The following UBE2Q2 variants were observed in gnomAD, a reference collection of about 807,000 sequenced individuals.
The protein encoded by UBE2Q2 is ubiquitin-conjugating enzyme E2 Q2.
Under a neutral mutation model 59.9 loss-of-function variants are expected in UBE2Q2, and 54 were observed. The observed-to-expected ratio is 0.90, with a 90% confidence interval of 0.72 to 1.13. The LOEUF (loss-of-function observed/expected upper bound fraction) is 1.13. UBE2Q2 is among the 50% of genes most tolerant of loss of function. The probability of loss-of-function intolerance (pLI) is 0.00; values close to 1 mark genes in which losing one functional copy is unlikely to be tolerated. For missense variants in UBE2Q2, 433 were observed against 441.9 expected (o/e 0.98, Z 0.18); for synonymous variants, 165 against 155.2 (o/e 1.06, Z -0.47).
At chr15:75,859,059 G>A (rs1431007662) in intron 2 of UBE2Q2, among the ~76,000 whole-genome samples, 1 of 152,146 alleles carries the variant, frequency 6.6e-6, no homozygotes, top group Admixed American at 6.5e-5. Flanking sequence ...TGCCTTATTA[G>A]ATCCCATTTG....
At chr15:75,844,295 C>T in intron 1 of UBE2Q2, 2 of 1,545,642 alleles carry the variant, frequency 1.3e-6, no homozygotes, top group Non-Finnish European at 1.7e-6. Flanking sequence ...GTCGGATTTT[C>T]CTTCTTCCCG....
chr15:75,897,326 C>T (rs1414151481), intron 12 of UBE2Q2, among the ~76,000 whole-genome samples: 2 of 152,068 alleles, frequency 1.3e-5, no homozygotes, highest in Non-Finnish European at 2.9e-5. Flanking sequence ...GCCAGCTCCG[C>T]CTCCCAGGTT....
intron 1 of UBE2Q2, among the ~76,000 whole-genome samples, chr15:75,853,752 C>T (rs2141552448): frequency 6.6e-6 from 1 of 152,248 alleles, no homozygotes; most frequent in African/African-American, 2.4e-5. Flanking sequence ...TTGTTGGTGG[C>T]AGCTGTGATC....
At chr15:75,884,901 C>T (rs2141653039) in intron 9 of UBE2Q2, among the ~76,000 whole-genome samples, 1 of 152,308 alleles carries the variant, frequency 6.6e-6, no homozygotes, top group Non-Finnish European at 1.5e-5. Context: ...TTACCCGCCT[C>T]AGCCTTGCAA....
At chr15:75,869,338 T>C (rs1897664750) in intron 4 of UBE2Q2, among the ~76,000 whole-genome samples, 2 of 152,236 alleles carry the variant, frequency 1.3e-5, no homozygotes, top group South Asian at 2.1e-4. Flanking sequence ...GTTTAAAAAA[T>C]TTTATGTTTG....
chr15:75,849,391 G>A (rs1441081759), intron 1 of UBE2Q2, among the ~76,000 whole-genome samples: 1 of 152,160 alleles, frequency 6.6e-6, no homozygotes, highest in Non-Finnish European at 1.5e-5. Context: ...GAAGATAGCT[G>A]TGTCCTACAT....
intron 1 of UBE2Q2, among the ~76,000 whole-genome samples, 190 bp from the exon 2 acceptor site, chr15:75,854,196 A>G (rs1438563798): frequency 6.6e-6 from 1 of 152,214 alleles, no homozygotes; most frequent in Non-Finnish European, 1.5e-5. Context: ...CTGTAGCAAC[A>G]GACAGTGCTA....
intron 9 of UBE2Q2, among the ~76,000 whole-genome samples, chr15:75,890,184 A>G (rs1469701415): frequency 1.3e-5 from 2 of 152,234 alleles, no homozygotes; most frequent in African/African-American, 4.8e-5. Context: ...GATATCATAC[A>G]AATCTGAAAG....
At chr15:75,894,442 G>C (rs1048947951) in intron 11 of UBE2Q2, among the ~76,000 whole-genome samples, 2 of 152,014 alleles carry the variant, frequency 1.3e-5, no homozygotes, top group African/African-American at 4.8e-5. Context: ...AAATTAGCTG[G>C]GCATCGTGGC....
chr15:75,879,284 C>A, intron 8 of UBE2Q2, 96 bp downstream of exon 8: 1 of 669,478 alleles, frequency 1.5e-6, no homozygotes, highest in Non-Finnish European at 2.5e-6. Flanking sequence ...AGAAGATACT[C>A]ATACCCTATG....
chr15:75,899,165 A>G (rs1341465610), intron 12 of UBE2Q2, among the ~76,000 whole-genome samples: 1 of 150,808 alleles, frequency 6.6e-6, no homozygotes, highest in East Asian at 1.9e-4. Context: ...AATCCCAGCT[A>G]CTTGGGAGGC....
chr15:75,848,194 C>T (rs1449074994), intron 1 of UBE2Q2, among the ~76,000 whole-genome samples: 1 of 152,106 alleles, frequency 6.6e-6, no homozygotes, highest in Non-Finnish European at 1.5e-5. Flanking sequence ...AATATAAAAG[C>T]GATGGTGTCA....
intron 4 of UBE2Q2, among the ~76,000 whole-genome samples, chr15:75,872,390 A>G (rs1175056228): frequency 6.6e-6 from 1 of 152,068 alleles, no homozygotes; most frequent in Non-Finnish European, 1.5e-5. Flanking sequence ...AAGTAGAGAA[A>G]TAAGGTAATT....
intron 5 of UBE2Q2, among the ~76,000 whole-genome samples, chr15:75,874,524 T>A (rs1359995122): frequency 6.6e-6 from 1 of 152,144 alleles, no homozygotes; most frequent in Non-Finnish European, 1.5e-5. Flanking sequence ...CTTCAAGTGA[T>A]CCACCTGCCT....
intron 5 of UBE2Q2, 140 bp from the exon 6 acceptor site, chr15:75,876,047 A>G: frequency 4.2e-6 from 3 of 711,598 alleles, no homozygotes; most frequent in East Asian, 5.4e-5. Flanking sequence ...CCTGGGTAAC[A>G]GGGCTAGACT....
chr15:75,864,515 A>G (rs1355566733), intron 3 of UBE2Q2, among the ~76,000 whole-genome samples: 2 of 151,932 alleles, frequency 1.3e-5, no homozygotes, highest in African/African-American at 4.8e-5. Context: ...TAAAACTCCA[A>G]TCTGGAGGAT....
intron 2 of UBE2Q2, among the ~76,000 whole-genome samples, chr15:75,855,084 G>C (rs1414639906): frequency 6.6e-6 from 1 of 152,052 alleles, no homozygotes; most frequent in African/African-American, 2.4e-5. Flanking sequence ...CTGTTGACAT[G>C]ATGGTTATTT....
Position 75,891,181 on chromosome 15 carries a change from A to G in UBE2Q2, c.1029+167A>G, listed in dbSNP as rs1261218456. ...TATAGAAAATATGGAATTATAAGAA[A>G]ATTAAAGATACTAATTGATAATCAC... On this transcript the variant is annotated intron_variant, in intron 11 of 12. Transcript: ENST00000267938. Among the ~76,000 whole-genome samples, 6 of 152,314 alleles carry G rather than the reference A, an allele frequency of 3.9e-5. No individual in the cohort carries two copies. The East Asian group carries it at 7.7e-4, about 20-fold the overall frequency.
intron 8 of UBE2Q2, among the ~76,000 whole-genome samples, chr15:75,882,231 T>G (rs1371075871): frequency 2.0e-5 from 3 of 152,230 alleles, no homozygotes; most frequent in Non-Finnish European, 4.4e-5. Flanking sequence ...TGTTAAGATC[T>G]CAGATAACTT....
Sources: gnomAD v4.1 joint callset for allele counts (sites outside exome capture counted in the v4.1 genomes callset) on GRCh38, gnomAD v4.1.1 for gene constraint, MANE v1.5 for transcripts, NCBI Gene and HGNC (gene_info 2026-07-23, HGNC 2026-07-21) for gene names.